The following KCMF1 variants were observed in gnomAD, a reference collection of about 807,000 sequenced individuals.
KCMF1 encodes the protein potassium channel modulatory factor 1, also known as E3 ubiquitin-protein ligase KCMF1.
In KCMF1, 3 loss-of-function variants were observed where a neutral mutation model predicts 41.1. The ratio of observed to expected loss-of-function variants is 0.07; its 90% CI spans 0.03 to 0.19. The LOEUF (loss-of-function observed/expected upper bound fraction) is 0.19, where lower values mean the gene tolerates loss of function less well. Ranked by LOEUF, KCMF1 falls within the 10% of genes least tolerant of loss-of-function variation. KCMF1 has a pLI of 1.00. For synonymous variants in KCMF1, 142 were observed against 164.5 expected (o/e 0.86, Z 1.04); for missense variants, 286 against 488.9 (o/e 0.58, Z 3.91).
intron 1 of KCMF1, among the ~76,000 whole-genome samples, chr2:85,001,160 A>C (rs1253601716): frequency 6.9e-6 from 1 of 145,182 alleles, no homozygotes; most frequent in Admixed American, 7.0e-5. Flanking sequence ...TAATTAATTA[A>C]TTTTTTCATT....
At chr2:85,006,111 T>C (rs751514890) in intron 1 of KCMF1, among the ~76,000 whole-genome samples, 1 of 152,070 alleles carries the variant, frequency 6.6e-6, no homozygotes, top group South Asian at 2.1e-4. Context: ...CCCATTGTTA[T>C]ATTTGTTACC....
At chr2:84,978,084 G>A (rs1036906940) in intron 1 of KCMF1, among the ~76,000 whole-genome samples, 2 of 150,840 alleles carry the variant, frequency 1.3e-5, no homozygotes, top group African/African-American at 4.9e-5. Flanking sequence ...CGCAACCTAC[G>A]CCTCCCAGGT....
intron 1 of KCMF1, among the ~76,000 whole-genome samples, chr2:84,995,771 T>C (rs1266097366): frequency 1.3e-5 from 2 of 152,210 alleles, no homozygotes; most frequent in African/African-American, 4.8e-5. Context: ...GGCAATACAT[T>C]GAAACCCTGT....
At chr2:85,047,731 A>G (rs1001557151) in intron 5 of KCMF1, among the ~76,000 whole-genome samples, 1 of 152,110 alleles carries the variant, frequency 6.6e-6, no homozygotes, top group Non-Finnish European at 1.5e-5. Flanking sequence ...GATAATCTGC[A>G]AGACACACCA....
intron 2 of KCMF1, among the ~76,000 whole-genome samples, chr2:85,029,426 C>T (rs1456427816): frequency 6.6e-6 from 1 of 151,892 alleles, no homozygotes; most frequent in South Asian, 2.1e-4. Flanking sequence ...TCTGCATCCA[C>T]CCCCGAAAAA....
intron 1 of KCMF1, among the ~76,000 whole-genome samples, chr2:84,976,411 G>A (rs2103959825): frequency 6.6e-6 from 1 of 151,788 alleles, no homozygotes; most frequent in South Asian, 2.1e-4. Context: ...TCACCATGTT[G>A]GCCAGGCTGG....
At chr2:85,017,231 T>C (rs1376908930) in intron 1 of KCMF1, among the ~76,000 whole-genome samples, 1 of 151,492 alleles carries the variant, frequency 6.6e-6, no homozygotes, top group Non-Finnish European at 1.5e-5. Flanking sequence ...TTTCACCTTG[T>C]TAGCCAGGAT....
intron 3 of KCMF1, among the ~76,000 whole-genome samples, chr2:85,038,357 A>G (rs1205298781): frequency 1.3e-5 from 2 of 152,248 alleles, no homozygotes; most frequent in African/African-American, 4.8e-5. Context: ...ATGGATGGCC[A>G]AGGTGCAGGT....
At chr2:85,025,724 T>A (rs945786031) in intron 1 of KCMF1, among the ~76,000 whole-genome samples, 4 of 152,108 alleles carry the variant, frequency 2.6e-5, no homozygotes, top group African/African-American at 9.7e-5. Flanking sequence ...TTCTCTTCCC[T>A]CAGCCACCCG....
At chr2:84,981,254 A>G (rs939244546) in intron 1 of KCMF1, among the ~76,000 whole-genome samples, 5 of 151,504 alleles carry the variant, frequency 3.3e-5, no homozygotes, top group Admixed American at 1.3e-4. Context: ...CAGTGGTGCA[A>G]TCTCGGCTCA....
intron 1 of KCMF1, among the ~76,000 whole-genome samples, chr2:85,014,273 A>G (rs1316685197): frequency 6.6e-6 from 1 of 152,232 alleles, no homozygotes; most frequent in East Asian, 1.9e-4. Context: ...TCAAGGGAAA[A>G]ACAATAAACA....
intron 1 of KCMF1, among the ~76,000 whole-genome samples, chr2:85,001,267 TCCA>T: frequency 6.6e-6 from 1 of 151,828 alleles, no homozygotes; most frequent in South Asian, 2.1e-4. Context: ...AAGTGATTCT[TCCA>T]CCTCAGCCTC....
rs1675872097 is a variant in KCMF1 at position 85,054,002 on chromosome 2, A to G, written c.*593A>G. On this transcript the variant is annotated 3_prime_UTR_variant, in exon 7 of 7. Transcript: ENST00000409785. The stretch of plus-strand genomic sequence containing the variant: ...CTCTGCAGTGGAATCTGGGGATTAT[A>G]GCCGGGTGTGGCACTCCGCCCTGTG... 1 of 152,552 alleles carries G rather than the reference A, an allele frequency of 6.6e-6. No individual in the cohort carries two copies. The highest frequency in any genetic ancestry group is 2.1e-4 in the South Asian group (1 of 4,840). The allele number at this position is 152,552 out of a possible 1,614,324, so 9.4% of individuals were successfully genotyped here.
At chr2:85,052,161 C>A (rs1426719105) in intron 6 of KCMF1, among the ~76,000 whole-genome samples, 1 of 152,180 alleles carries the variant, frequency 6.6e-6, no homozygotes, top group Admixed American at 6.5e-5. Context: ...CCACCGCCTC[C>A]CAGGTTTAAG....
rs886844366 is a variant in KCMF1, at chr2:84,989,796, G to A, written c.16+18329G>A. On this transcript the variant is annotated intron_variant, in intron 1 of 6. Transcript: ENST00000409785. ...GAAAAGAGAAGGGACTTTGGTTTTG[G>A]CATGTTAGGTTTGAGGTGCCTGAGG... 2.0e-5 allele frequency among the ~76,000 whole-genome samples: 3 copies of A among 152,166 alleles called. No individual in the cohort carries two copies. The South Asian group carries it at 6.2e-4, about 32-fold the overall frequency.
rs1247198303 is a variant in KCMF1, at chr2:85,049,337, AC to A, written c.602-28del. 4 of 1,606,640 alleles carry A rather than the reference AC, an allele frequency of 2.5e-6. No homozygotes were observed. In the Admixed American group the frequency reaches 6.7e-5, roughly 27 times the overall value. ...TTTTGTTTTCCTCAGTATTAAGCAG[AC>A]ATTAATTGTCTTCATTTCCATTGGC... On this transcript the variant is annotated intron_variant, in intron 5 of 6. Coordinates refer to ENST00000409785, the MANE Select transcript of KCMF1 (RefSeq NM_020122.5).
rs866337890 is a variant in KCMF1, at chr2:85,041,783, T to A, written c.325-1781T>A. Among the ~76,000 whole-genome samples the A allele has an allele frequency of 7.6e-3, 1,071 of 141,814 alleles. 14 individuals are homozygous for A. The highest frequency in any genetic ancestry group is 0.023 in the African/African-American group (862 of 37,728). 93.0% of individuals were successfully genotyped at this position (141,814 alleles called of 152,430 possible). ...GGTCTTTTTTTTTTTTTTTTTTTTT[T>A]AAAAAAAGCAAGTCTGGCCGGAGTT... is the stretch of plus-strand genomic sequence containing the variant. On this transcript the variant is annotated intron_variant, in intron 3 of 6. Coordinates refer to ENST00000409785, the MANE Select transcript of KCMF1 (RefSeq NM_020122.5).
At chr2:84,973,591 A>T (rs1673454948) in intron 1 of KCMF1, among the ~76,000 whole-genome samples, 1 of 152,186 alleles carries the variant, frequency 6.6e-6, no homozygotes, top group Admixed American at 6.5e-5. Flanking sequence ...GGTCTAGTTT[A>T]TGGCCTAAGA....
chr2:84,986,922 C>T (rs894210615), intron 1 of KCMF1, among the ~76,000 whole-genome samples: 1 of 151,962 alleles, frequency 6.6e-6, no homozygotes, highest in Non-Finnish European at 1.5e-5. Context: ...CTTAAGGTTC[C>T]AAGGGTGAAG....
Sources: allele counts gnomAD v4.1 joint callset (sites outside exome capture counted in the v4.1 genomes callset), GRCh38; gene constraint gnomAD v4.1.1; transcripts MANE v1.5; gene names NCBI Gene and HGNC (gene_info 2026-07-23, HGNC 2026-07-21).